Variants in BRINP3 observed in about 807,000 individuals in gnomAD.
BRINP3 encodes the protein BMP/retinoic acid-inducible neural-specific protein 3.
BRINP3 carries 19 observed loss-of-function variants against 71.0 expected under a neutral mutation model. The observed-to-expected ratio is 0.27, with a 90% CI of 0.19 to 0.39. BRINP3 has a LOEUF of 0.39. Among genes scored for constraint, BRINP3 ranks in the 10% least tolerant of loss-of-function variants. The pLI is 1.00. For synonymous variants in BRINP3, 380 were observed against 337.7 expected (o/e 1.13, Z -1.37); for missense variants, 959 against 940.8 (o/e 1.02, Z -0.25).
chr1:190,334,420 C>T (rs1348047658), intron 2 of BRINP3, among the ~76,000 whole-genome samples: 5 of 151,646 alleles, frequency 3.3e-5, no homozygotes, highest in African/African-American at 4.8e-5. Context: ...ACACGAGAAA[C>T]TGAAAAAGAT....
At chr1:190,309,361 GA>G (rs1164978862) in intron 2 of BRINP3, among the ~76,000 whole-genome samples, 1 of 151,682 alleles carries the variant, frequency 6.6e-6, no homozygotes, top group Non-Finnish European at 1.5e-5. Flanking sequence ...ACAGATTTCT[GA>G]AAATGTATAG....
intron 6 of BRINP3, among the ~76,000 whole-genome samples, chr1:190,222,841 T>C (rs913932757): frequency 7.9e-5 from 12 of 151,416 alleles, no homozygotes; most frequent in African/African-American, 2.9e-4. Context: ...AAAGGAGACA[T>C]AACAACTGAG....
intron 2 of BRINP3, among the ~76,000 whole-genome samples, chr1:190,328,599 A>G (rs893745852): frequency 3.3e-5 from 5 of 152,056 alleles, no homozygotes; most frequent in African/African-American, 9.7e-5. Context: ...CCAGATATAC[A>G]AAGAAAACTG....
chr1:190,472,238 C>T (rs1428422611), intron 1 of BRINP3, among the ~76,000 whole-genome samples: 1 of 151,456 alleles, frequency 6.6e-6, no homozygotes, highest in Non-Finnish European at 1.5e-5. Flanking sequence ...GAAGAGTGGT[C>T]AAGAAATCTT....
intron 4 of BRINP3, among the ~76,000 whole-genome samples, chr1:190,237,381 C>T (rs1307703242): frequency 6.6e-6 from 1 of 151,148 alleles, no homozygotes; most frequent in African/African-American, 2.4e-5. Context: ...TTATTTAATT[C>T]TTTAAAATAA....
intron 2 of BRINP3, among the ~76,000 whole-genome samples, chr1:190,414,115 G>A (rs1445563716): frequency 6.6e-6 from 1 of 151,794 alleles, no homozygotes; most frequent in Non-Finnish European, 1.5e-5. Flanking sequence ...CGATGACCAT[G>A]TTTTATTTTT....
At chr1:190,390,795 T>C (rs1671203037) in intron 2 of BRINP3, among the ~76,000 whole-genome samples, 1 of 151,698 alleles carries the variant, frequency 6.6e-6, no homozygotes, top group African/African-American at 2.4e-5. Context: ...GATAAAAGAA[T>C]GAGTATAGAG....
chr1:190,415,990 G>T (rs1018464261), intron 2 of BRINP3, among the ~76,000 whole-genome samples: 1 of 152,026 alleles, frequency 6.6e-6, no homozygotes, highest in Non-Finnish European at 1.5e-5. Context: ...TTATTTTACA[G>T]GTTTTCTTCT....
intron 2 of BRINP3, among the ~76,000 whole-genome samples, chr1:190,418,042 G>T (rs1056400598): frequency 6.6e-6 from 1 of 152,152 alleles, no homozygotes; most frequent in Non-Finnish European, 1.5e-5. Context: ...CAATCCCTCT[G>T]CTGGGCATCT....
At chr1:190,262,548 C>T (rs1661275785) in intron 4 of BRINP3, among the ~76,000 whole-genome samples, 1 of 152,148 alleles carries the variant, frequency 6.6e-6, no homozygotes, top group South Asian at 2.1e-4. Flanking sequence ...GTTTCCTCCA[C>T]CTAGTATGAA....
intron 1 of BRINP3, among the ~76,000 whole-genome samples, chr1:190,455,280 A>G (rs144730914): frequency 9.4e-4 from 143 of 152,268 alleles, no homozygotes; most frequent in Non-Finnish European, 1.7e-3. Context: ...AAGTTCAAGT[A>G]TTTCATATAT....
rs901604540 is a variant in BRINP3, at chr1:190,392,522, T to C, written c.236+62133A>G. Among the ~76,000 whole-genome samples the C allele has an allele frequency of 1.1e-4, 16 of 151,720 alleles. 1 individual carries two copies. The highest frequency in any genetic ancestry group is 9.9e-4 in the Admixed American group (15 of 15,154). On this transcript the variant is annotated intron_variant, in intron 2 of 7. Transcript: ENST00000367462. The stretch of plus-strand genomic sequence containing the variant: ...TCTGCATCTCTTATATGATACATTG[T>C]ACTGCAGTTTCGATAGGGTGGAACA...
At chr1:190,258,675 A>G (rs1438761734) in intron 4 of BRINP3, among the ~76,000 whole-genome samples, 8 of 152,252 alleles carry the variant, frequency 5.3e-5, no homozygotes, top group Non-Finnish European at 7.3e-5. Flanking sequence ...GTATAATTTC[A>G]ATGAAATGGA....
intron 2 of BRINP3, among the ~76,000 whole-genome samples, chr1:190,326,267 T>C (rs1666573384): frequency 6.6e-6 from 1 of 152,106 alleles, no homozygotes; most frequent in Non-Finnish European, 1.5e-5. Flanking sequence ...GAACAAAGTA[T>C]TTGAGAAATA....
intron 6 of BRINP3, among the ~76,000 whole-genome samples, chr1:190,167,339 A>T (rs1312031000): frequency 6.6e-6 from 1 of 152,186 alleles, no homozygotes; most frequent in Non-Finnish European, 1.5e-5. Context: ...CATTAAGGGT[A>T]GAATTTTGAC....
Position 190,454,845 on chromosome 1 carries a change from C to G in BRINP3, c.46G>C (p.Ala16Pro). The change falls in exon 2 of 8, where the codon GCT (alanine) becomes CCT (proline). Residue 16 changes from alanine (A) to proline (P), a missense_variant. By Grantham distance (27) the Ala-to-Pro change is conservative (BLOSUM62 -1). Coordinates refer to ENST00000367462, the MANE Select transcript of BRINP3 (RefSeq NM_199051.3). ...CTCAGTGCTATCCACTCCCATAGAG[C>G]CATCAGAGAGAACAATTCAGCACCA... ...RAGAELFSLM[A>P]LWEWIALSLH... 6.2e-7 allele frequency: 1 copy of G among 1,614,134 alleles called. No homozygotes were observed. Among genetic ancestry groups the G allele is most frequent in the Non-Finnish European group, 8.5e-7 (1 of 1,180,026 alleles).
chr1:190,202,504 T>A (rs1480128052), intron 6 of BRINP3, among the ~76,000 whole-genome samples: 1 of 152,088 alleles, frequency 6.6e-6, no homozygotes, highest in Non-Finnish European at 1.5e-5. Context: ...GGTTTTAAAA[T>A]GTGAAGATAC....
intron 2 of BRINP3, among the ~76,000 whole-genome samples, chr1:190,416,993 A>T (rs1277634161): frequency 6.6e-6 from 1 of 152,204 alleles, no homozygotes; most frequent in African/African-American, 2.4e-5. Context: ...AAAGGATTAA[A>T]TACATGGTTT....
chr1:190,103,123 T>C lies in BRINP3; in HGVS notation c.1185-3989A>G, dbSNP rs1290460917. On this transcript the variant is annotated intron_variant, in intron 7 of 7. Coordinates refer to ENST00000367462, the MANE Select transcript of BRINP3 (RefSeq NM_199051.3). ...GAATATCTGACTTTACAGCCATACT[T>C]TACCCTGTGCCCTGTGACGAGTTAC... Among the ~76,000 whole-genome samples, 6 of 152,206 alleles carry C rather than the reference T, an allele frequency of 3.9e-5. No homozygotes were observed. The South Asian group carries it at 8.3e-4, about 21-fold the overall frequency.
Sources: gnomAD v4.1 joint callset for allele counts (sites outside exome capture counted in the v4.1 genomes callset) on GRCh38, gnomAD v4.1.1 for gene constraint, MANE v1.5 for transcripts, NCBI Gene and HGNC (gene_info 2026-07-23, HGNC 2026-07-21) for gene names.